FOCAD: variants seen among roughly 807,000 people sequenced by gnomAD.
FOCAD encodes the protein focadhesin, also known as KIAA1797.
In FOCAD, 198 loss-of-function variants were observed where a neutral mutation model predicts 225.6. The observed-to-expected ratio is 0.88, with a 90% CI of 0.78 to 0.99. The LOEUF (loss-of-function observed/expected upper bound fraction) is 0.99. Among genes scored for constraint, FOCAD ranks in the 50% least tolerant of loss-of-function variants. The pLI is 0.00. For missense variants in FOCAD, 2,713 were observed against 2,123.6 expected, an observed-to-expected ratio of 1.28 and a Z score of -5.46; for synonymous variants, 897 against 755.0, an observed-to-expected ratio of 1.19 and a Z score of -3.08.
chr9:20,993,349 G>A (rs746499375), intron 43 of FOCAD, 21 bp downstream of exon 43: 2 of 1,589,746 alleles, frequency 1.3e-6, no homozygotes, highest in Middle Eastern at 1.7e-4. Flanking sequence ...CATGTTTTAT[G>A]CTCAACATAG....
intron 2 of FOCAD, among the ~76,000 whole-genome samples, chr9:20,678,625 C>G (rs1383646556): frequency 6.6e-6 from 1 of 152,186 alleles, no homozygotes; most frequent in African/African-American, 2.4e-5. Context: ...GCACAGGCTT[C>G]CCTTGCTTCA....
At chr9:20,810,435 T>C (rs958481806) in intron 11 of FOCAD, among the ~76,000 whole-genome samples, 3 of 152,130 alleles carry the variant, frequency 2.0e-5, no homozygotes, top group Non-Finnish European at 2.9e-5. Context: ...ACTTTACTTA[T>C]AGGACATTGG....
intron 26 of FOCAD, chr9:20,928,991 GT>G (rs942045613): frequency 3.6e-4 from 54 of 151,414 alleles, no homozygotes; most frequent in African/African-American, 1.1e-3. Context: ...GATAGCTTCA[GT>G]TTTTTTTTTG....
At position 20,960,705 on chromosome 9, in the gene FOCAD, G is replaced by C. The variant is rs549038911; in HGVS notation, c.4132+7640G>C. Among the ~76,000 whole-genome samples, 106 of 151,442 alleles carry C rather than the reference G, an allele frequency of 7.0e-4. 1 individual carries two copies. Among genetic ancestry groups the C allele is most frequent in the Non-Finnish European group, 1.2e-3 (79 of 67,906 alleles). On this transcript the variant is annotated intron_variant, in intron 35 of 43. Coordinates refer to ENST00000338382, the MANE Select transcript of FOCAD (RefSeq NM_001375567.1). ...ACCCATTAACTCGTCATTTACATTGGGTATATCTCCTAATGCTTTCCCTCC... is the reference window on the plus strand; with the variant it reads ...ACCCATTAACTCGTCATTTACATTGCGTATATCTCCTAATGCTTTCCCTCC...
intron 21 of FOCAD, among the ~76,000 whole-genome samples, chr9:20,902,598 T>C (rs191996844): frequency 5.3e-5 from 8 of 152,008 alleles, no homozygotes; most frequent in Admixed American, 3.3e-4. Flanking sequence ...GGTAGCACCA[T>C]TGGGGATGTG....
intron 2 of FOCAD, among the ~76,000 whole-genome samples, chr9:20,659,412 AGAGAAAGAAAG>A (rs1174614574): frequency 2.0e-5 from 3 of 146,810 alleles, no homozygotes; most frequent in Admixed American, 6.7e-5. Flanking sequence ...CTAAAAAAAA[AGAGAAAGAAAG>A]GAGAAAGAAA....
chr9:20,776,529 C>A (rs1369891017), intron 8 of FOCAD, among the ~76,000 whole-genome samples: 2 of 152,212 alleles, frequency 1.3e-5, no homozygotes, highest in African/African-American at 4.8e-5. Context: ...GTCTAATCCT[C>A]CACCATTTAC....
At chr9:20,873,068 TTGA>T (rs1418679440) in intron 18 of FOCAD, among the ~76,000 whole-genome samples, 1 of 152,182 alleles carries the variant, frequency 6.6e-6, no homozygotes, top group African/African-American at 2.4e-5. Context: ...ATTCCATCAA[TTGA>T]TGAACGTTTG....
At chr9:20,807,432 A>C (rs1235393249) in intron 11 of FOCAD, among the ~76,000 whole-genome samples, 2 of 152,246 alleles carry the variant, frequency 1.3e-5, no homozygotes, top group African/African-American at 4.8e-5. Flanking sequence ...ACGTAGGTTT[A>C]AGTTTTCTGG....
chr9:20,891,151 C>A (rs997097874), intron 21 of FOCAD, among the ~76,000 whole-genome samples: 3 of 152,028 alleles, frequency 2.0e-5, no homozygotes, highest in African/African-American at 7.2e-5. Flanking sequence ...CAAACTGTGC[C>A]CACATAGCAC....
At chr9:20,986,977 G>A (rs943410171) in intron 40 of FOCAD, among the ~76,000 whole-genome samples, 5 of 152,230 alleles carry the variant, frequency 3.3e-5, no homozygotes, top group African/African-American at 1.2e-4. Context: ...TTTTTAGACC[G>A]TTTTAGACGT....
At chr9:20,657,996 A>C (rs905597390), upstream of FOCAD, among the ~76,000 whole-genome samples, 1 of 142,752 alleles carries the variant, frequency 7.0e-6, no homozygotes, top group African/African-American at 2.6e-5. Flanking sequence ...TCCTTCTAAC[A>C]GACAGGACCC....
intron 35 of FOCAD, among the ~76,000 whole-genome samples, chr9:20,972,827 C>T (rs1434281900): frequency 3.9e-5 from 6 of 152,158 alleles, no homozygotes; most frequent in Admixed American, 6.6e-5. Flanking sequence ...ATTTTACCTC[C>T]GCTTCTCCTT....
intron 22 of FOCAD, 26 bp downstream of exon 22, chr9:20,907,268 C>T: frequency 1.9e-6 from 3 of 1,585,496 alleles, no homozygotes; most frequent in South Asian, 2.2e-5. Flanking sequence ...GATAGGTTTG[C>T]TTTGGCGAAA....
intron 24 of FOCAD, among the ~76,000 whole-genome samples, chr9:20,919,197 G>A (rs145741129): frequency 0.014 from 2,160 of 152,234 alleles, 59 homozygotes; most frequent in African/African-American, 0.048. Context: ...CACATCATGA[G>A]TGAACTCCCA....
At chr9:20,795,940 A>C (rs571087618) in intron 11 of FOCAD, among the ~76,000 whole-genome samples, 13 of 151,868 alleles carry the variant, frequency 8.6e-5, no homozygotes, top group African/African-American at 1.9e-4. Flanking sequence ...CATTAGGTAT[A>C]TCTCCTAATG....
chr9:20,791,961 A>T (rs544103592), intron 11 of FOCAD, among the ~76,000 whole-genome samples: 1 of 152,284 alleles, frequency 6.6e-6, no homozygotes, highest in South Asian at 2.1e-4. Context: ...GTGTGCCGAG[A>T]TATTATCCTG....
At chr9:20,979,973 A>G (rs1050589165) in intron 37 of FOCAD, among the ~76,000 whole-genome samples, 8 of 152,140 alleles carry the variant, frequency 5.3e-5, no homozygotes, top group South Asian at 2.1e-4. Flanking sequence ...AGGTTTTTCA[A>G]TCATCACCAA....
chr9:20,924,648 G>A (rs1834773121), intron 25 of FOCAD, among the ~76,000 whole-genome samples: 1 of 151,756 alleles, frequency 6.6e-6, no homozygotes, highest in Admixed American at 6.6e-5. Context: ...TTTTTTTGTT[G>A]TTGTGGGTTT....
Sources: allele counts gnomAD v4.1 joint callset (sites outside exome capture counted in the v4.1 genomes callset), GRCh38; gene constraint gnomAD v4.1.1; transcripts MANE v1.5; gene names NCBI Gene and HGNC (gene_info 2026-07-23, HGNC 2026-07-21).